NCOA2: variants seen among roughly 807,000 people sequenced by gnomAD.
NCOA2 encodes the protein nuclear receptor coactivator 2.
A neutral mutation model predicts 145.1 loss-of-function variants in NCOA2; 21 were observed. The ratio of observed to expected loss-of-function variants is 0.14; its 90% CI spans 0.10 to 0.21. The LOEUF (loss-of-function observed/expected upper bound fraction) is 0.21. NCOA2 is among the 10% of genes least tolerant of loss of function. The pLI is 1.00. For missense variants in NCOA2, 1,472 were observed against 1,837.6 expected, an observed-to-expected ratio of 0.80 and a Z score of 3.64; for synonymous variants, 619 against 637.5, an observed-to-expected ratio of 0.97 and a Z score of 0.44.
At chr8:70,131,267 C>T (rs1809068201) in intron 16 of NCOA2, among the ~76,000 whole-genome samples, 1 of 152,054 alleles carries the variant, frequency 6.6e-6, no homozygotes. Flanking sequence ...AGTCAGTGCA[C>T]ACTACATCCT....
chr8:70,368,434 TG>T (rs2131191518), intron 1 of NCOA2, among the ~76,000 whole-genome samples: 1 of 152,262 alleles, frequency 6.6e-6, no homozygotes, highest in South Asian at 2.1e-4. Flanking sequence ...GAGTAATGGA[TG>T]GATTATAGAT....
intron 2 of NCOA2, among the ~76,000 whole-genome samples, chr8:70,294,421 A>G (rs944605749): frequency 1.3e-5 from 2 of 152,154 alleles, no homozygotes; most frequent in African/African-American, 4.8e-5. Context: ...CAACAGAAAA[A>G]GGAATTAGAA....
At chr8:70,144,889 T>A in intron 12 of NCOA2, 41 bp from the exon 13 acceptor site, 1 of 1,511,962 alleles carries the variant, frequency 6.6e-7, no homozygotes, top group Non-Finnish European at 9.2e-7. Context: ...TAATATAGGA[T>A]AATGGAAAAT....
chr8:70,285,216 C>T (rs1826154539), intron 2 of NCOA2, among the ~76,000 whole-genome samples: 1 of 152,088 alleles, frequency 6.6e-6, no homozygotes, highest in African/African-American at 2.4e-5. Flanking sequence ...TTATTAAGGT[C>T]TAGTAAGAAA....
At chr8:70,339,650 C>T (rs1807941777) in intron 1 of NCOA2, among the ~76,000 whole-genome samples, 1 of 152,064 alleles carries the variant, frequency 6.6e-6, no homozygotes, top group Admixed American at 6.6e-5. Flanking sequence ...GCAAAAAGAA[C>T]AAAGCTGGAG....
Position 70,163,457 on chromosome 8 carries a change from A to G in NCOA2, c.832+8T>C, listed in dbSNP as rs1813274911. 6.2e-7 allele frequency: 1 copy of G among 1,603,880 alleles called. No individual in the cohort carries two copies. Among genetic ancestry groups the G allele is most frequent in the Non-Finnish European group, 8.5e-7 (1 of 1,171,142 alleles). On this transcript the variant is annotated splice_region_variant and intron_variant, in intron 8 of 22. Coordinates refer to ENST00000452400, the MANE Select transcript of NCOA2 (RefSeq NM_006540.4). ...ATTCCTTTGGTCTTCTTTGGAGAGG[A>G]AATTTACCTTGGAGATCCTGGCGAG...
chr8:70,229,540 T>C (rs1361622118), intron 2 of NCOA2, among the ~76,000 whole-genome samples: 1 of 152,080 alleles, frequency 6.6e-6, no homozygotes, highest in Non-Finnish European at 1.5e-5. Context: ...AGTGAGACAA[T>C]GCTAGAGTTG....
chr8:70,124,504 T>C (rs571323605), intron 20 of NCOA2, among the ~76,000 whole-genome samples, 184 bp downstream of exon 20: 12 of 152,134 alleles, frequency 7.9e-5, no homozygotes, highest in African/African-American at 2.9e-4. Flanking sequence ...AGAACATCCC[T>C]AACAAGGTAC....
chr8:70,347,513 G>T (rs1161328322), intron 1 of NCOA2, among the ~76,000 whole-genome samples: 2 of 151,770 alleles, frequency 1.3e-5, no homozygotes, highest in Non-Finnish European at 2.9e-5. Flanking sequence ...AAAATGAGCT[G>T]GGCATGGTGA....
At chr8:70,409,988 T>G in the NCOA2 span, among the ~76,000 whole-genome samples, 2 of 152,122 alleles carry the variant, frequency 1.3e-5, no homozygotes. Context: ...GACAGCCGGA[T>G]CACCTGAGGT....
chr8:70,113,719 A>C, intron 22 of NCOA2, 76 bp from the exon 23 acceptor site: 1 of 1,373,978 alleles, frequency 7.3e-7, no homozygotes, highest in Non-Finnish European at 1.0e-6. Flanking sequence ...CACCACAAAA[A>C]CATCAAAATT....
intron 1 of NCOA2, among the ~76,000 whole-genome samples, chr8:70,401,382 G>A (rs899612115): frequency 4.6e-5 from 7 of 152,200 alleles, no homozygotes; most frequent in Non-Finnish European, 7.3e-5. Flanking sequence ...TTGTGTGGGA[G>A]TAATCTGGCA....
At chr8:70,273,537 A>G in intron 2 of NCOA2, 1 of 719,284 alleles carries the variant, frequency 1.4e-6, no homozygotes. Context: ...GGCATTGAAG[A>G]GGTGAATATG....
chr8:70,200,359 G>A (rs1042316216), intron 4 of NCOA2, among the ~76,000 whole-genome samples: 5 of 152,122 alleles, frequency 3.3e-5, no homozygotes, highest in Non-Finnish European at 5.9e-5. Flanking sequence ...ATTTCTAGCT[G>A]AAAGGCAAGA....
intron 1 of NCOA2, among the ~76,000 whole-genome samples, chr8:70,338,620 G>A (rs1253238279): frequency 6.6e-6 from 1 of 152,082 alleles, no homozygotes; most frequent in Non-Finnish European, 1.5e-5. Context: ...CCAAAACTTG[G>A]CAGAAATACA....
At chr8:70,125,043 G>A (rs1808266134) in intron 19 of NCOA2, among the ~76,000 whole-genome samples, 178 bp from the exon 20 acceptor site, 2 of 152,060 alleles carry the variant, frequency 1.3e-5, no homozygotes, top group Admixed American at 1.3e-4. Flanking sequence ...GATAAAATAT[G>A]GAGAAAATAA....
At chr8:70,436,125 A>G in the NCOA2 span, among the ~76,000 whole-genome samples, 3 of 152,200 alleles carry the variant, frequency 2.0e-5, no homozygotes, top group Non-Finnish European at 4.4e-5. Context: ...ATACCAAAAC[A>G]AAAAACAAAT....
At chr8:70,270,399 C>T (rs1406425040) in intron 2 of NCOA2, among the ~76,000 whole-genome samples, 5 of 152,120 alleles carry the variant, frequency 3.3e-5, no homozygotes, top group African/African-American at 1.2e-4. Flanking sequence ...ACTGTCTCTT[C>T]CAGCTCTAAA....
intron 1 of NCOA2, among the ~76,000 whole-genome samples, chr8:70,393,378 G>A (rs1258159059): frequency 9.2e-5 from 14 of 152,160 alleles, no homozygotes; most frequent in Admixed American, 8.5e-4. Context: ...CTCCTGGTGG[G>A]ATATCCTGAA....
Sources: gnomAD v4.1 joint callset for allele counts (sites outside exome capture counted in the v4.1 genomes callset) on GRCh38, gnomAD v4.1.1 for gene constraint, MANE v1.5 for transcripts, NCBI Gene and HGNC (gene_info 2026-07-23, HGNC 2026-07-21) for gene names.